The following TMEM178B variants were observed in gnomAD, a reference collection of about 807,000 sequenced individuals.
TMEM178B encodes transmembrane protein 178B.
Under a neutral mutation model 31.0 loss-of-function variants are expected in TMEM178B, and 5 were observed. The ratio of observed to expected loss-of-function variants is 0.16; its 90% CI spans 0.08 to 0.34. The LOEUF (loss-of-function observed/expected upper bound fraction) is 0.34, where lower values mean the gene tolerates loss of function less well. Ranked by LOEUF, TMEM178B falls within the 10% of genes least tolerant of loss-of-function variation. The pLI is 1.00. For missense variants in TMEM178B, 275 were observed against 400.3 expected (o/e 0.69, Z 2.67); for synonymous variants, 164 against 164.0 (o/e 1.00, Z 0.00).
chr7:141,481,929 C>T (rs1802483011), downstream of TMEM178B, among the ~76,000 whole-genome samples: 2 of 152,134 alleles, frequency 1.3e-5, no homozygotes, highest in Non-Finnish European at 2.9e-5. Context: ...CTCACCAGAC[C>T]CTGGGACTTC....
chr7:141,467,164 C>A (rs1277157449), intron 3 of TMEM178B, among the ~76,000 whole-genome samples: 1 of 152,150 alleles, frequency 6.6e-6, no homozygotes, highest in East Asian at 1.9e-4. Flanking sequence ...GATTCCCATG[C>A]TCTTCCCCAA....
At chr7:141,249,352 C>CA (rs1797791976) in intron 2 of TMEM178B, among the ~76,000 whole-genome samples, 1 of 152,214 alleles carries the variant, frequency 6.6e-6, no homozygotes, top group African/African-American at 2.4e-5. Flanking sequence ...GAGGCCTCCC[C>CA]AGCCACGTGG....
intron 2 of TMEM178B, among the ~76,000 whole-genome samples, chr7:141,410,427 TTTTC>T (rs1453277040): frequency 6.6e-6 from 1 of 150,444 alleles, no homozygotes; most frequent in Non-Finnish European, 1.5e-5. Flanking sequence ...CTTCTGTTTT[TTTTC>T]TTTTCTTTTA....
At chr7:141,407,900 G>A (rs1800913551) in intron 2 of TMEM178B, among the ~76,000 whole-genome samples, 1 of 152,182 alleles carries the variant, frequency 6.6e-6, no homozygotes, top group South Asian at 2.1e-4. Context: ...TAACTAACAT[G>A]TATATGATGC....
At chr7:141,510,685 C>CAAAAA in the TMEM178B span, among the ~76,000 whole-genome samples, 203 of 24,954 alleles carry the variant, frequency 8.1e-3, 42 homozygotes, top group African/African-American at 9.2e-3. Flanking sequence ...AACTCCGTCT[C>CAAAAA]AAAAAAAAAA....
chr7:141,144,938 G>A (rs1795828247), intron 1 of TMEM178B, among the ~76,000 whole-genome samples: 1 of 152,102 alleles, frequency 6.6e-6, no homozygotes, highest in Non-Finnish European at 1.5e-5. Flanking sequence ...TGGGGAGGAT[G>A]GTCATGTCAT....
chr7:141,083,328 T>C (rs1794718166), intron 1 of TMEM178B, among the ~76,000 whole-genome samples: 2 of 152,238 alleles, frequency 1.3e-5, no homozygotes, highest in South Asian at 4.1e-4. Flanking sequence ...TAAAATAATG[T>C]GTTTAGATTC....
intron 2 of TMEM178B, among the ~76,000 whole-genome samples, chr7:141,404,069 G>A (rs944959921): frequency 6.6e-6 from 1 of 152,204 alleles, no homozygotes; most frequent in African/African-American, 2.4e-5. Context: ...ACTCTGGGGG[G>A]CCGAGACGGG....
chr7:141,486,052 C>T, the TMEM178B span, among the ~76,000 whole-genome samples: 1 of 152,160 alleles, frequency 6.6e-6, no homozygotes. Context: ...ATATACCCAA[C>T]GGAATACTAT....
chr7:141,436,421 T>C (rs984267547), intron 2 of TMEM178B, among the ~76,000 whole-genome samples: 10 of 152,122 alleles, frequency 6.6e-5, no homozygotes, highest in African/African-American at 2.4e-4. Flanking sequence ...GCACAGACCC[T>C]GGGGCAGAGG....
At chr7:141,124,972 T>C (rs1203492087) in intron 1 of TMEM178B, among the ~76,000 whole-genome samples, 1 of 152,148 alleles carries the variant, frequency 6.6e-6, no homozygotes, top group East Asian at 1.9e-4. Flanking sequence ...CTACCTAATA[T>C]CCCCCTTTAT....
intron 2 of TMEM178B, among the ~76,000 whole-genome samples, chr7:141,378,133 G>A (rs1008344557): frequency 6.6e-6 from 1 of 152,078 alleles, no homozygotes; most frequent in Non-Finnish European, 1.5e-5. Context: ...TACTGCTCTG[G>A]TATGTTGTAG....
chr7:141,316,366 C>T (rs1799005302), intron 2 of TMEM178B, among the ~76,000 whole-genome samples: 1 of 152,182 alleles, frequency 6.6e-6, no homozygotes, highest in African/African-American at 2.4e-5. Flanking sequence ...AGTTAACTTA[C>T]AAACTTTAGG....
intron 1 of TMEM178B, among the ~76,000 whole-genome samples, chr7:141,202,668 T>C (rs1796896969): frequency 1.3e-5 from 2 of 152,236 alleles, no homozygotes; most frequent in Non-Finnish European, 2.9e-5. Context: ...CTGCAGCAGC[T>C]ATAAGCCTTG....
At chr7:141,208,490 C>A (rs1327853917) in intron 1 of TMEM178B, among the ~76,000 whole-genome samples, 1 of 152,262 alleles carries the variant, frequency 6.6e-6, no homozygotes, top group Non-Finnish European at 1.5e-5. Context: ...ACTGACAGGA[C>A]CTGCAGACAC....
chr7:141,417,221 TC>T (rs1487350592), intron 2 of TMEM178B, among the ~76,000 whole-genome samples: 1 of 152,106 alleles, frequency 6.6e-6, no homozygotes, highest in Non-Finnish European at 1.5e-5. Flanking sequence ...GATTCCTTCA[TC>T]CCATAGAGAT....
intron 1 of TMEM178B, among the ~76,000 whole-genome samples, chr7:141,176,734 G>C (rs1485227944): frequency 1.3e-5 from 2 of 152,152 alleles, no homozygotes; most frequent in African/African-American, 2.4e-5. Context: ...AGATTTTCTG[G>C]TTTATTTGCA....
intron 1 of TMEM178B, among the ~76,000 whole-genome samples, chr7:141,094,999 C>A (rs1276919885): frequency 1.3e-5 from 2 of 152,162 alleles, no homozygotes; most frequent in African/African-American, 4.8e-5. Context: ...CAAGTATTTT[C>A]TACATTAATA....
At chr7:141,097,334 C>A (rs1586766036) in intron 1 of TMEM178B, among the ~76,000 whole-genome samples, 1 of 132,788 alleles carries the variant, frequency 7.5e-6, no homozygotes, top group African/African-American at 2.9e-5. Context: ...CCACTGCAGT[C>A]CGGCCTGGGC....
Sources: allele counts gnomAD v4.1 joint callset (sites outside exome capture counted in the v4.1 genomes callset), GRCh38; gene constraint gnomAD v4.1.1; transcripts MANE v1.5; gene names NCBI Gene and HGNC (gene_info 2026-07-23, HGNC 2026-07-21).